The following TSPAN9 variants were observed in gnomAD, a reference collection of about 807,000 sequenced individuals.
The protein encoded by TSPAN9 is tetraspanin 9.
Under a neutral mutation model 31.0 loss-of-function variants are expected in TSPAN9, and 16 were observed. The observed-to-expected ratio is 0.52, with a 90% CI of 0.35 to 0.78. The LOEUF is 0.78. Ranked by LOEUF, TSPAN9 falls within the 30% of genes least tolerant of loss-of-function variation. The pLI, the probability that TSPAN9 is intolerant of heterozygous loss-of-function variation, is 0.01. For synonymous variants in TSPAN9, 145 were observed against 121.6 expected (o/e 1.19, Z -1.27); for missense variants, 272 against 312.5 (o/e 0.87, Z 0.98).
At chr12:3,205,145 C>T (rs967138533) in intron 3 of TSPAN9, among the ~76,000 whole-genome samples, 3 of 152,120 alleles carry the variant, frequency 2.0e-5, no homozygotes, top group South Asian at 2.1e-4. Flanking sequence ...GGGCTGCTGG[C>T]GTAATTGCTA....
intron 2 of TSPAN9, among the ~76,000 whole-genome samples, chr12:3,109,045 C>T (rs1565578680): frequency 1.3e-5 from 2 of 152,016 alleles, no homozygotes; most frequent in South Asian, 4.1e-4. Flanking sequence ...ACACCATTCT[C>T]CTGTCTCAGC....
intron 2 of TSPAN9, among the ~76,000 whole-genome samples, chr12:3,086,504 A>C (rs1010734961): frequency 9.2e-5 from 14 of 152,200 alleles, no homozygotes; most frequent in Non-Finnish European, 1.6e-4. Context: ...CTCAATGGTC[A>C]TCATTTTTAG....
chr12:3,181,722 C>T (rs949781506), intron 2 of TSPAN9, among the ~76,000 whole-genome samples: 7 of 152,204 alleles, frequency 4.6e-5, no homozygotes, highest in African/African-American at 1.4e-4. Flanking sequence ...GGGACTCACA[C>T]CTGGGCCTTC....
intron 4 of TSPAN9, 104 bp downstream of exon 4, chr12:3,278,716 C>G: frequency 6.9e-7 from 1 of 1,453,448 alleles, no homozygotes; most frequent in Non-Finnish European, 9.3e-7. Flanking sequence ...GGTGTCCAAC[C>G]TGAGCCCAGG....
chr12:3,155,065 T>C (rs1171608737), intron 2 of TSPAN9, among the ~76,000 whole-genome samples: 3 of 152,180 alleles, frequency 2.0e-5, no homozygotes, highest in Non-Finnish European at 4.4e-5. Flanking sequence ...CTTCTGATTT[T>C]TGGGTAAAAT....
chr12:3,204,375 G>A (rs983399449), intron 3 of TSPAN9, among the ~76,000 whole-genome samples: 3 of 152,298 alleles, frequency 2.0e-5, no homozygotes, highest in East Asian at 3.9e-4. Flanking sequence ...ACCACTGGGC[G>A]GAGCTTCTAG....
At chr12:3,279,336 A>T (rs903013240) in intron 5 of TSPAN9, among the ~76,000 whole-genome samples, 1 of 152,242 alleles carries the variant, frequency 6.6e-6, no homozygotes, top group African/African-American at 2.4e-5. Context: ...ATGACCAGAG[A>T]TGGCAGTGGG....
At chr12:3,095,476 C>A (rs1158414880) in intron 2 of TSPAN9, among the ~76,000 whole-genome samples, 2 of 126,442 alleles carry the variant, frequency 1.6e-5, no homozygotes, top group African/African-American at 6.5e-5. Flanking sequence ...ACCTCCCGGA[C>A]GGGGCGGCTG....
At chr12:3,078,000 A>G (rs895114187) in intron 1 of TSPAN9, among the ~76,000 whole-genome samples, 9 of 152,208 alleles carry the variant, frequency 5.9e-5, no homozygotes, top group Admixed American at 5.2e-4. Flanking sequence ...TGGGACTTCA[A>G]AAAACTTTCT....
intron 3 of TSPAN9, among the ~76,000 whole-genome samples, chr12:3,256,575 G>T (rs1862350283): frequency 6.6e-6 from 1 of 152,212 alleles, no homozygotes; most frequent in African/African-American, 2.4e-5. Context: ...GGGCTGGGAG[G>T]GCCGGATGAG....
intron 3 of TSPAN9, among the ~76,000 whole-genome samples, chr12:3,228,119 T>C (rs61907335): frequency 0.07 from 10,696 of 152,144 alleles, 448 homozygotes; most frequent in Middle Eastern, 0.12. Context: ...AAGGCCGAGA[T>C]GGGAGGACTG....
At chr12:3,169,813 G>A (rs773539594) in intron 2 of TSPAN9, among the ~76,000 whole-genome samples, 6 of 152,172 alleles carry the variant, frequency 3.9e-5, no homozygotes, top group Non-Finnish European at 5.9e-5. Flanking sequence ...ATCGTATCAG[G>A]TGTCAGGGTG....
At chr12:3,078,981 CTTTTT>C (rs10716001) in intron 1 of TSPAN9, among the ~76,000 whole-genome samples, 1 of 129,346 alleles carries the variant, frequency 7.7e-6, no homozygotes. Flanking sequence ...AAATTTGTTA[CTTTTT>C]TTTTTTTTTT....
intron 2 of TSPAN9, among the ~76,000 whole-genome samples, chr12:3,127,011 G>C (rs2098327644): frequency 6.6e-6 from 1 of 152,106 alleles, no homozygotes; most frequent in Admixed American, 6.5e-5. Context: ...CCTGGATCAA[G>C]TGATCCTTCT....
intron 3 of TSPAN9, among the ~76,000 whole-genome samples, chr12:3,259,372 G>A (rs1284483943): frequency 6.6e-6 from 1 of 152,214 alleles, no homozygotes; most frequent in Non-Finnish European, 1.5e-5. Flanking sequence ...TACTTTAGAG[G>A]AAAGTTCTCA....
At chr12:3,126,996 G>T (rs112816457) in intron 2 of TSPAN9, among the ~76,000 whole-genome samples, 190 of 152,140 alleles carry the variant, frequency 1.2e-3, no homozygotes, top group African/African-American at 4.5e-3. Context: ...GGCTGGACTC[G>T]AATTCCTGGA....
chr12:3,282,748 G>A (rs772647352), intron 8 of TSPAN9, among the ~76,000 whole-genome samples: 8 of 152,168 alleles, frequency 5.3e-5, no homozygotes, highest in Non-Finnish European at 7.3e-5. Flanking sequence ...CAGGTCCTCC[G>A]TGCATTCCGT....
intron 3 of TSPAN9, among the ~76,000 whole-genome samples, chr12:3,223,408 G>A (rs1453319329): frequency 1.3e-5 from 2 of 152,222 alleles, no homozygotes; most frequent in East Asian, 1.9e-4. Context: ...GTTGAAGCCC[G>A]GTGGAGATGT....
At chr12:3,226,680 G>A (rs965821137) in intron 3 of TSPAN9, among the ~76,000 whole-genome samples, 25,528 of 60,942 alleles carry the variant, frequency 0.42, 4,764 homozygotes, top group Middle Eastern at 0.56. Context: ...GTGTGTGTGT[G>A]TGTGTGTGTG....
Sources: gnomAD v4.1 joint callset for allele counts (sites outside exome capture counted in the v4.1 genomes callset) on GRCh38, gnomAD v4.1.1 for gene constraint, MANE v1.5 for transcripts, NCBI Gene and HGNC (gene_info 2026-07-23, HGNC 2026-07-21) for gene names.